The following SARS1 variants were observed in gnomAD, a reference collection of about 807,000 sequenced individuals.
SARS1 encodes the protein serine--tRNA ligase, cytoplasmic.
SARS1 carries 25 observed loss-of-function variants against 63.7 expected under a neutral mutation model. The observed-to-expected ratio is 0.39, with a 90% CI of 0.29 to 0.55. The LOEUF is 0.55. SARS1 is among the 20% of genes least tolerant of loss of function. SARS1 has a pLI of 0.62. For missense variants in SARS1, 417 were observed against 649.7 expected (o/e 0.64, Z 3.89); for synonymous variants, 231 against 243.5 (o/e 0.95, Z 0.48).
At chr1:109,236,232 A>G in intron 8 of SARS1, 126 bp downstream of exon 8, 1 of 1,327,968 alleles carries the variant, frequency 7.5e-7, no homozygotes, top group Non-Finnish European at 1.0e-6. Flanking sequence ...TTAAAATATT[A>G]CACTCTTCTC....
At chr1:109,224,229 C>G (rs1041035018) in intron 2 of SARS1, among the ~76,000 whole-genome samples, 181 bp downstream of exon 2, 3 of 152,212 alleles carry the variant, frequency 2.0e-5, no homozygotes, top group Non-Finnish European at 4.4e-5. Context: ...GAGGCATTTT[C>G]ATATACTTTA....
At chr1:109,226,675 A>ATATAT (rs1164050994) in intron 2 of SARS1, among the ~76,000 whole-genome samples, 156 of 32,326 alleles carry the variant, frequency 4.8e-3, no homozygotes, top group East Asian at 0.025. Flanking sequence ...AAAAAAAAAA[A>ATATAT]AAATATATAT....
At chr1:109,219,262 C>CATATATATATATACATATAT (rs1184358700) in intron 1 of SARS1, among the ~76,000 whole-genome samples, 2 of 76,936 alleles carry the variant, frequency 2.6e-5, no homozygotes, top group East Asian at 2.9e-4. Flanking sequence ...CAAGACTCTC[C>CATATATATATATACATATAT]ATATATATAT....
At position 109,230,886 on chromosome 1, in the gene SARS1, C is replaced by A; in HGVS notation, c.456C>A (p.Asp152Glu). 6.2e-7 allele frequency: 1 copy of A among 1,601,766 alleles called. No individual in the cohort carries two copies. Among genetic ancestry groups the A allele is most frequent in the Non-Finnish European group, 8.5e-7 (1 of 1,173,092 alleles). The change falls in exon 5 of 11, where the codon GAC (aspartate) becomes GAA (glutamate). Residue 152 changes from aspartate to glutamate, a missense_variant. Coordinates refer to ENST00000234677, the MANE Select transcript of SARS1 (RefSeq NM_006513.4). ...SVPISNDEDV[D>E]NKVERIWGDC... ...TTGCTCTGTTTCCTTAGGATGTGGACAACAAAGTAGAGAGGATTTGGGGTG... is the reference window on the plus strand; with the variant it reads ...TTGCTCTGTTTCCTTAGGATGTGGAAAACAAAGTAGAGAGGATTTGGGGTG...
At chr1:109,221,940 A>C (rs34158040) in intron 1 of SARS1, among the ~76,000 whole-genome samples, 9 of 117,980 alleles carry the variant, frequency 7.6e-5, no homozygotes, top group South Asian at 6.1e-4. Flanking sequence ...GGCACACACC[A>C]CCATGCTCAG....
At chr1:109,231,061 G>T in intron 5 of SARS1, 40 bp downstream of exon 5, 3 of 1,173,956 alleles carry the variant, frequency 2.6e-6, no homozygotes, top group Non-Finnish European at 2.2e-6. Context: ...TTATGAAAAA[G>T]AAACAAAATA....
chr1:109,236,274 G>A (rs993980784), intron 8 of SARS1, 117 bp from the exon 9 acceptor site: 36 of 1,305,006 alleles, frequency 2.8e-5, no homozygotes, highest in Non-Finnish European at 3.4e-5. Context: ...AGAATATCTG[G>A]GTGTGATTTC....
Position 109,231,686 on chromosome 1 carries a change from G to A in SARS1, c.647G>A (p.Gly216Glu). ...ALIQYALRTL[G>E]SRGYIPIYTP... ...ATCCAGTATGCCCTTCGCACCTTGG[G>A]AAGTCGGGGCTACATTCCCATTTAT... Residue 216 changes from glycine to glutamate, a missense_variant, in exon 6 of 11, where the codon GGA becomes GAA. By Grantham distance (98) the Gly-to-Glu change is moderately conservative (BLOSUM62 -2). Around this residue, in one of 3 missense-constraint regions of SARS1, gnomAD observed 359 missense variants for 529.6 expected, o/e 0.68. Coordinates refer to ENST00000234677, the MANE Select transcript of SARS1 (RefSeq NM_006513.4). 2 of 1,592,242 alleles carry A rather than the reference G, an allele frequency of 1.3e-6. No homozygotes were observed. Among genetic ancestry groups the A allele is most frequent in the Non-Finnish European group, 1.7e-6 (2 of 1,170,420 alleles).
chr1:109,219,288 T>TATATATAG (rs1654869281), intron 1 of SARS1, among the ~76,000 whole-genome samples: 1 of 126,352 alleles, frequency 7.9e-6, no homozygotes, highest in Non-Finnish European at 1.7e-5. Flanking sequence ...TATATATATA[T>TATATATAG]AGTGTACATA....
At chr1:109,232,633 C>T (rs1014713194) in intron 6 of SARS1, among the ~76,000 whole-genome samples, 6 of 152,308 alleles carry the variant, frequency 3.9e-5, no homozygotes, top group African/African-American at 1.2e-4. Flanking sequence ...TCATTCAAGA[C>T]GCACTGGGAA....
At chr1:109,220,451 G>T (rs1458658617) in intron 1 of SARS1, among the ~76,000 whole-genome samples, 2 of 152,154 alleles carry the variant, frequency 1.3e-5, no homozygotes, top group Non-Finnish European at 2.9e-5. Flanking sequence ...ATTTTAATTT[G>T]CATTTTTTTG....
chr1:109,231,202 G>C (rs1655204339), intron 5 of SARS1, 181 bp downstream of exon 5: 1 of 334,678 alleles, frequency 3.0e-6, no homozygotes, highest in South Asian at 1.5e-4. Flanking sequence ...TCTAAAGCAA[G>C]AGAGGGCTTA....
At position 109,221,994 on chromosome 1, in the gene SARS1, ATATATATATATATATATTTTTTTTTTT is replaced by A. The variant is rs1654945151; in HGVS notation, c.137-1982_137-1956del. ...TGTATATATATATATATATATATAT[ATATATATATATATATATTTTTTTTTTT>A]TTTTTTTTTTTTTTTTTTTTTTTGT... On this transcript the variant is annotated intron_variant, in intron 1 of 10. Coordinates refer to ENST00000234677, the MANE Select transcript of SARS1 (RefSeq NM_006513.4). 3.0e-4 allele frequency among the ~76,000 whole-genome samples: 7 copies of A among 23,522 alleles called. 1 individual carries two copies. Among genetic ancestry groups the A allele is most frequent in the African/African-American group, 8.1e-4 (3 of 3,720 alleles). The allele number at this position is 23,522 out of a possible 152,430, so 15.4% of individuals were successfully genotyped here.
At position 109,214,182 on chromosome 1, in the gene SARS1, C is replaced by A; in HGVS notation, c.136+54C>A. On this transcript the variant is annotated intron_variant, in intron 1 of 10. Coordinates refer to ENST00000234677, the MANE Select transcript of SARS1 (RefSeq NM_006513.4). This position sits in a 1 kb window ranked among gnomAD's most constrained non-coding sequence, Gnocchi z 4.6. ...CTTGATGCTAAACCCAATTTTCTCTCTCAAATCCAGCCACCGCTCCTGAGG... is the reference window on the plus strand; with the variant it reads ...CTTGATGCTAAACCCAATTTTCTCTATCAAATCCAGCCACCGCTCCTGAGG... 6.3e-7 allele frequency: 1 copy of A among 1,578,160 alleles called. No individual in the cohort carries two copies. Among genetic ancestry groups the A allele is most frequent in the Non-Finnish European group, 8.6e-7 (1 of 1,160,698 alleles).
chr1:109,227,688 G>T (rs1022453060), intron 2 of SARS1, among the ~76,000 whole-genome samples: 3 of 151,478 alleles, frequency 2.0e-5, no homozygotes, highest in Admixed American at 6.6e-5. Context: ...ATCACTTAAG[G>T]CCAGGAGTTT....
At chr1:109,226,500 T>A (rs1655074260) in intron 2 of SARS1, among the ~76,000 whole-genome samples, 1 of 147,354 alleles carries the variant, frequency 6.8e-6, no homozygotes. Context: ...TATAGACACA[T>A]GTCACTGTGC....
chr1:109,222,010 ATTTTTTTTTT>A (rs1172469174), intron 1 of SARS1, among the ~76,000 whole-genome samples: 3 of 21,210 alleles, frequency 1.4e-4, no homozygotes, highest in African/African-American at 3.1e-4. Context: ...ATATATATAT[ATTTTTTTTTT>A]TTTTTTTTTT....
At position 109,236,018 on chromosome 1, in the gene SARS1, A is replaced by G. The variant is rs762744083; in HGVS notation, c.1011A>G (p.Ser337=). 6.2e-7 allele frequency: 1 copy of G among 1,613,786 alleles called. No homozygotes were observed. Among genetic ancestry groups the G allele is most frequent in the African/African-American group, 1.3e-5 (1 of 75,042 alleles). The part of the protein sequence containing the change: ...FVYSSPHDNK[S]WEMFEEMITT... Reference sequence around the variant, plus strand: ...ACTCATCACCCCATGACAACAAGTCATGGGAGATGTTTGAAGAGATGATTA... The same window carrying G: ...ACTCATCACCCCATGACAACAAGTCGTGGGAGATGTTTGAAGAGATGATTA... Residue 337 remains serine (S), a synonymous_variant, in exon 8 of 11, where the codon TCA becomes TCG. Coordinates refer to ENST00000234677, the MANE Select transcript of SARS1 (RefSeq NM_006513.4).
intron 6 of SARS1, among the ~76,000 whole-genome samples, chr1:109,232,853 G>A (rs931554177): frequency 4.6e-5 from 7 of 152,184 alleles, no homozygotes; most frequent in Admixed American, 4.6e-4. Context: ...AACCTATGTG[G>A]AGTATTATGG....
Sources: gnomAD v4.1 joint callset for allele counts (sites outside exome capture counted in the v4.1 genomes callset) on GRCh38, gnomAD v4.1.1 for gene constraint, gnomAD v4.1.1 regional missense constraint, Gnocchi (gnomAD v3.1) non-coding constraint, MANE v1.5 for transcripts, NCBI Gene and HGNC (gene_info 2026-07-23, HGNC 2026-07-21) for gene names.